The following OR1J2 variants were observed in gnomAD, a reference collection of about 807,000 sequenced individuals.
The protein encoded by OR1J2 is olfactory receptor family 1 subfamily J member 2, also known as olfactory receptor 1J2.
For missense variants in OR1J2, 304 were observed against 246.1 expected, an observed-to-expected ratio of 1.24 and a Z score of -1.57; for synonymous variants, 142 against 99.7, an observed-to-expected ratio of 1.42 and a Z score of -2.52.
At chr9:122,508,192 A>C (rs1166877818), upstream of OR1J2, among the ~76,000 whole-genome samples, 1 of 151,540 alleles carries the variant, frequency 6.6e-6, no homozygotes, top group Non-Finnish European at 1.5e-5. Flanking sequence ...GGGAAGAAGA[A>C]GAAGAAGGAG....
the OR1J2 span, among the ~76,000 whole-genome samples, chr9:122,473,860 C>T: frequency 6.6e-6 from 1 of 152,188 alleles, no homozygotes; most frequent in Admixed American, 6.5e-5. Context: ...GGAATTCTTG[C>T]AGACTTCACT....
At chr9:122,469,131 C>G in the OR1J2 span, among the ~76,000 whole-genome samples, 2 of 152,216 alleles carry the variant, frequency 1.3e-5, no homozygotes, top group Non-Finnish European at 2.9e-5. Flanking sequence ...TCTGTTTGCC[C>G]TCGCTTGAGC....
At chr9:122,561,974 C>G in the OR1J2 span, among the ~76,000 whole-genome samples, 12 of 152,180 alleles carry the variant, frequency 7.9e-5, no homozygotes, top group African/African-American at 2.4e-4. Flanking sequence ...AGACTATGGC[C>G]ACCCCTTCTA....
chr9:122,570,293 C>T, the OR1J2 span, among the ~76,000 whole-genome samples: 2 of 152,020 alleles, frequency 1.3e-5, no homozygotes, highest in Non-Finnish European at 2.9e-5. Flanking sequence ...TACAGTCCCA[C>T]CAACAGTGTA....
the OR1J2 span, among the ~76,000 whole-genome samples, chr9:122,484,330 T>C: frequency 3.9e-4 from 59 of 152,064 alleles, no homozygotes; most frequent in African/African-American, 1.1e-3. Context: ...CCGAGCTAAT[T>C]TTTGTATTTT....
At chr9:122,472,076 G>T in the OR1J2 span, among the ~76,000 whole-genome samples, 2 of 152,160 alleles carry the variant, frequency 1.3e-5, no homozygotes, top group African/African-American at 2.4e-5. Context: ...TCCTGGGAAC[G>T]CAGGGTGCAT....
chr9:122,524,456 T>TA, the OR1J2 span, among the ~76,000 whole-genome samples: 7 of 152,180 alleles, frequency 4.6e-5, no homozygotes, highest in Non-Finnish European at 1.5e-5. Context: ...CGAGGAATGT[T>TA]AGACTATTGA....
chr9:122,459,343 T>C, the OR1J2 span, among the ~76,000 whole-genome samples: 1 of 152,186 alleles, frequency 6.6e-6, no homozygotes, highest in Non-Finnish European at 1.5e-5. Flanking sequence ...GACATTTCAG[T>C]TTTTAGTTTT....
chr9:122,454,838 T>C, the OR1J2 span, among the ~76,000 whole-genome samples: 1 of 152,222 alleles, frequency 6.6e-6, no homozygotes, highest in African/African-American at 2.4e-5. Flanking sequence ...ACAGTCAAGT[T>C]ATTTATTTGT....
the OR1J2 span, among the ~76,000 whole-genome samples, chr9:122,488,970 A>G: frequency 6.6e-6 from 1 of 151,994 alleles, no homozygotes; most frequent in African/African-American, 2.4e-5. Context: ...CATCGTCTAC[A>G]TTAGGTATTT....
upstream of OR1J2, among the ~76,000 whole-genome samples, chr9:122,510,597 G>T (rs1428756144): frequency 6.6e-6 from 1 of 151,884 alleles, no homozygotes; most frequent in Non-Finnish European, 1.5e-5. Context: ...TCATCCCATC[G>T]TCTAGGCATT....
the OR1J2 span, among the ~76,000 whole-genome samples, chr9:122,488,128 G>A: frequency 6.6e-6 from 1 of 151,900 alleles, no homozygotes; most frequent in Non-Finnish European, 1.5e-5. Flanking sequence ...TGGGTTTTTT[G>A]TTTGTTTGTT....
At chr9:122,519,375 C>G in the OR1J2 span, 4 of 1,613,938 alleles carry the variant, frequency 2.5e-6, no homozygotes, top group Admixed American at 6.7e-5. Flanking sequence ...TGTCACTGTC[C>G]CAAAGATGTT....
At chr9:122,569,403 A>G in the OR1J2 span, among the ~76,000 whole-genome samples, 2 of 152,220 alleles carry the variant, frequency 1.3e-5, no homozygotes, top group Non-Finnish European at 2.9e-5. Context: ...TTACCTACCA[A>G]TGGATATCAA....
downstream of OR1J2, among the ~76,000 whole-genome samples, chr9:122,514,898 C>T (rs1828678372): frequency 6.6e-6 from 1 of 152,078 alleles, no homozygotes; most frequent in East Asian, 1.9e-4. Flanking sequence ...ATTTTCTGGC[C>T]CCAGATCTCA....
the OR1J2 span, among the ~76,000 whole-genome samples, chr9:122,552,086 C>CAG: frequency 1.3e-3 from 199 of 150,616 alleles, 2 homozygotes; most frequent in South Asian, 5.7e-3. Context: ...CTCTCACACA[C>CAG]ACACACATAT....
chr9:122,564,150 G>A, the OR1J2 span, among the ~76,000 whole-genome samples: 5 of 152,228 alleles, frequency 3.3e-5, no homozygotes, highest in East Asian at 5.8e-4. Flanking sequence ...CAGGAGACAC[G>A]AAACATCACT....
At chr9:122,523,378 T>C in the OR1J2 span, among the ~76,000 whole-genome samples, 1 of 152,096 alleles carries the variant, frequency 6.6e-6, no homozygotes, top group Admixed American at 6.6e-5. Context: ...GCCTTGCAAG[T>C]GATGGGCACC....
At chr9:122,500,581 G>A in the OR1J2 span, among the ~76,000 whole-genome samples, 3 of 152,134 alleles carry the variant, frequency 2.0e-5, no homozygotes, top group Non-Finnish European at 4.4e-5. Flanking sequence ...TCATGATATG[G>A]CCATGAGAAA....
Sources: gnomAD v4.1 joint callset for allele counts (sites outside exome capture counted in the v4.1 genomes callset) on GRCh38, gnomAD v4.1.1 for gene constraint, MANE v1.5 for transcripts, NCBI Gene and HGNC (gene_info 2026-07-23, HGNC 2026-07-21) for gene names.